Variants in PID1 observed in about 807,000 individuals in gnomAD.
PID1 encodes the protein PTB-containing, cubilin and LRP1-interacting protein.
Under a neutral mutation model 19.1 loss-of-function variants are expected in PID1, and 10 were observed. The observed-to-expected ratio is 0.52, with a 90% CI of 0.32 to 0.89. The LOEUF (loss-of-function observed/expected upper bound fraction) is 0.89, where lower values mean the gene tolerates loss of function less well. Ranked by LOEUF, PID1 falls within the 40% of genes least tolerant of loss-of-function variation. The probability of loss-of-function intolerance (pLI) is 0.03; values close to 1 mark genes in which losing one functional copy is unlikely to be tolerated. For synonymous variants in PID1, 130 were observed against 116.0 expected (o/e 1.12, Z -0.78); for missense variants, 248 against 285.3 (o/e 0.87, Z 0.94).
intron 1 of PID1, among the ~76,000 whole-genome samples, chr2:229,174,517 T>C (rs1390015945): frequency 3.9e-5 from 6 of 152,172 alleles, no homozygotes; most frequent in Admixed American, 3.9e-4. Context: ...AGATCTGGGC[T>C]TGGAAGTAAA....
intron 2 of PID1, among the ~76,000 whole-genome samples, chr2:229,135,812 T>C (rs1689847865): frequency 6.6e-6 from 1 of 152,172 alleles, no homozygotes; most frequent in South Asian, 2.1e-4. Context: ...AGAGCAATCA[T>C]GTGACATGCA....
intron 2 of PID1, among the ~76,000 whole-genome samples, chr2:229,040,908 TA>T (rs971637982): frequency 6.6e-6 from 1 of 152,176 alleles, no homozygotes; most frequent in African/African-American, 2.4e-5. Context: ...TTCTCATTGT[TA>T]AAGAGAGTTA....
chr2:229,234,725 C>T (rs1277694328), intron 1 of PID1, among the ~76,000 whole-genome samples: 4 of 152,168 alleles, frequency 2.6e-5, no homozygotes, highest in Admixed American at 6.5e-5. Flanking sequence ...TAGAAATATA[C>T]CCATCTCTTT....
At chr2:229,118,325 A>G (rs1237648595) in intron 2 of PID1, among the ~76,000 whole-genome samples, 1 of 152,168 alleles carries the variant, frequency 6.6e-6, no homozygotes, top group Non-Finnish European at 1.5e-5. Flanking sequence ...TATTTTAGAG[A>G]AGCATAAGTA....
chr2:229,151,709 G>A lies in PID1; in HGVS notation c.177+4109C>T, dbSNP rs188555422. Reference sequence around the variant, plus strand: ...CCTCAACCTCCCGAGTAGCTGCGACGACAGGTGCCCACCACCACGCCCGGC... The same window carrying A: ...CCTCAACCTCCCGAGTAGCTGCGACAACAGGTGCCCACCACCACGCCCGGC... On this transcript the variant is annotated intron_variant, in intron 2 of 2. Transcript: ENST00000392055. Among the ~76,000 whole-genome samples, 616 of 151,732 alleles carry A rather than the reference G, an allele frequency of 4.1e-3. 4 individuals carry two copies. Among genetic ancestry groups the A allele is most frequent in the African/African-American group, 0.014 (574 of 41,386 alleles).
intron 2 of PID1, among the ~76,000 whole-genome samples, chr2:229,034,338 T>C (rs1340349865): frequency 2.0e-5 from 3 of 152,232 alleles, no homozygotes; most frequent in South Asian, 2.1e-4. Flanking sequence ...AAATGCTTTA[T>C]ATGGATCATT....
chr2:229,198,567 A>G (rs1030229487), intron 1 of PID1, among the ~76,000 whole-genome samples: 1 of 152,054 alleles, frequency 6.6e-6, no homozygotes. Context: ...CCCATATGGA[A>G]TACACATTCT....
rs551729915 is a variant in PID1 at position 229,246,377 on chromosome 2, T to C, written c.30+24637A>G. On this transcript the variant is annotated intron_variant, in intron 1 of 2. Coordinates refer to ENST00000392055, the MANE Select transcript of PID1 (RefSeq NM_001100818.2). ...TTGCTGTAAAGGAAATAATGGAATATCATGCAATATCCCTGCAAGGTCCAT... is the reference window on the plus strand; with the variant it reads ...TTGCTGTAAAGGAAATAATGGAATACCATGCAATATCCCTGCAAGGTCCAT... Among the ~76,000 whole-genome samples, 15 of 152,258 alleles carry C rather than the reference T, an allele frequency of 9.9e-5. No homozygotes were observed. In the East Asian group the frequency reaches 2.7e-3, roughly 27 times the overall value.
Position 229,155,821 on chromosome 2 carries a change from G to T in PID1, c.174C>A (p.Cys58Ter). ...CTGCTGGCCACGTGCCCCATACCTTGCAGCCACTGTGAGTCCTTGTCTTCA... is the reference window on the plus strand; with the variant it reads ...CTGCTGGCCACGTGCCCCATACCTTTCAGCCACTGTGAGTCCTTGTCTTCA... ...PLMKTRTHSGCKVTYLGKVST... is the reference protein window; with the variant it reads ...PLMKTRTHSG Residue 58 changes from cysteine (C) to a stop codon, truncating the protein, a stop_gained, in exon 2 of 3, where the codon TGC becomes TGA. Coordinates refer to ENST00000392055, the MANE Select transcript of PID1 (RefSeq NM_001100818.2). LOFTEE classifies it high-confidence loss of function. The T allele has an allele frequency of 6.2e-7, 1 of 1,610,912 alleles. No homozygotes were observed. The highest frequency in any genetic ancestry group is 8.5e-7 in the Non-Finnish European group (1 of 1,178,508).
intron 2 of PID1, among the ~76,000 whole-genome samples, chr2:229,054,713 TGTGTGTG>T (rs869273431): frequency 0.014 from 626 of 43,368 alleles, 4 homozygotes; most frequent in South Asian, 0.018. Context: ...AGTGTGTGTG[TGTGTGTG>T]GGGGGGGGGG....
At chr2:229,262,538 T>C (rs905704832) in intron 1 of PID1, 5 of 1,245,896 alleles carry the variant, frequency 4.0e-6, no homozygotes, top group Non-Finnish European at 5.3e-6. Context: ...TATGTGAAAG[T>C]TGGGGATACC....
At chr2:229,159,107 CAAA>C (rs1294765152) in intron 1 of PID1, among the ~76,000 whole-genome samples, 1 of 152,140 alleles carries the variant, frequency 6.6e-6, no homozygotes, top group Non-Finnish European at 1.5e-5. Flanking sequence ...TGGTCTGTAA[CAAA>C]GGATAAATGC....
chr2:229,261,038 CAG>C (rs1390521030), intron 1 of PID1, among the ~76,000 whole-genome samples: 4 of 151,962 alleles, frequency 2.6e-5, no homozygotes, highest in Non-Finnish European at 4.4e-5. Context: ...TTCTTATAAA[CAG>C]GGGAAATCTT....
chr2:229,171,774 C>A (rs999513656), intron 1 of PID1, among the ~76,000 whole-genome samples: 6 of 152,142 alleles, frequency 3.9e-5, no homozygotes, highest in African/African-American at 1.2e-4. Flanking sequence ...TCAAACTAAA[C>A]ACATGCCTAA....
At chr2:229,056,119 G>A (rs763094395) in intron 2 of PID1, among the ~76,000 whole-genome samples, 2 of 152,138 alleles carry the variant, frequency 1.3e-5, no homozygotes, top group Non-Finnish European at 2.9e-5. Flanking sequence ...ATTTCCAAAT[G>A]AAGTCTCAGT....
chr2:229,270,700 T>G (rs553319509), intron 1 of PID1, among the ~76,000 whole-genome samples: 2 of 149,678 alleles, frequency 1.3e-5, no homozygotes, highest in African/African-American at 4.9e-5. Context: ...CCCAGACCAC[T>G]GCATTGTGTC....
At chr2:229,121,938 G>C (rs989849572) in intron 2 of PID1, among the ~76,000 whole-genome samples, 3 of 152,134 alleles carry the variant, frequency 2.0e-5, no homozygotes, top group African/African-American at 7.2e-5. Context: ...AAGAGATTGG[G>C]AGTAATAGGG....
chr2:229,163,715 A>T (rs990877310), intron 1 of PID1, among the ~76,000 whole-genome samples: 8 of 148,512 alleles, frequency 5.4e-5, no homozygotes, highest in African/African-American at 2.0e-4. Flanking sequence ...TAATTCATTG[A>T]TTTTGTCACT....
rs1228826856 is a variant in PID1, at chr2:229,271,223, A to T, written c.-180T>A. 4 of 555,306 alleles carry T rather than the reference A, an allele frequency of 7.2e-6. No homozygotes were observed. Among genetic ancestry groups the T allele is most frequent in the Non-Finnish European group, 1.2e-5 (4 of 331,242 alleles). The allele number at this position is 555,306 out of a possible 1,614,324, so 34.4% of individuals were successfully genotyped here. On this transcript the variant is annotated 5_prime_UTR_variant, in exon 1 of 3. Transcript: ENST00000392055. ...GCGAGCAGGAGGAGGCGCGGCGCTC[A>T]GCTGCCGGCAACTTGTGGGCACGGC...
Sources: gnomAD v4.1 joint callset for allele counts (sites outside exome capture counted in the v4.1 genomes callset) on GRCh38, gnomAD v4.1.1 for gene constraint, MANE v1.5 for transcripts, NCBI Gene and HGNC (gene_info 2026-07-23, HGNC 2026-07-21) for gene names.